NLN: variants seen among roughly 807,000 people sequenced by gnomAD.
The protein encoded by NLN is neurolysin, also known as neurolysin, mitochondrial.
In NLN, 64 loss-of-function variants were observed where a neutral mutation model predicts 79.9. That is an observed-to-expected ratio of 0.80 (90% confidence interval 0.65 to 0.99). NLN has a LOEUF of 0.99. NLN is among the 50% of genes least tolerant of loss of function. The pLI is 0.00. For synonymous variants in NLN, 267 were observed against 296.6 expected (o/e 0.90, Z 1.02); for missense variants, 835 against 858.7 (o/e 0.97, Z 0.34).
intron 12 of NLN, among the ~76,000 whole-genome samples, chr5:65,821,271 T>A (rs1170922727): frequency 1.3e-5 from 2 of 152,242 alleles, no homozygotes; most frequent in South Asian, 2.1e-4. Context: ...AATATCATAC[T>A]AGAACACTGT....
chr5:65,746,793 A>G (rs1758989401), intron 1 of NLN, among the ~76,000 whole-genome samples: 1 of 152,086 alleles, frequency 6.6e-6, no homozygotes. Flanking sequence ...TCACAAGGTC[A>G]GGAGATCGAG....
intron 6 of NLN, among the ~76,000 whole-genome samples, chr5:65,784,785 C>T (rs1031989369): frequency 6.6e-6 from 1 of 152,248 alleles, no homozygotes; most frequent in East Asian, 1.9e-4. Context: ...AGAGTTTTTT[C>T]ATCTTCCTTA....
chr5:65,765,383 T>G (rs1759430140), intron 3 of NLN, among the ~76,000 whole-genome samples: 1 of 152,132 alleles, frequency 6.6e-6, no homozygotes, highest in East Asian at 1.9e-4. Context: ...CCAGGTGTGG[T>G]GGCAGGCGCC....
At chr5:65,735,258 A>G (rs1307593628) in intron 1 of NLN, among the ~76,000 whole-genome samples, 1 of 152,208 alleles carries the variant, frequency 6.6e-6, no homozygotes, top group Non-Finnish European at 1.5e-5. Flanking sequence ...CTGTGAATCA[A>G]TTAAACCTGT....
intron 9 of NLN, among the ~76,000 whole-genome samples, chr5:65,800,515 A>T (rs1045059874): frequency 6.6e-6 from 1 of 152,032 alleles, no homozygotes; most frequent in Admixed American, 6.6e-5. Flanking sequence ...CTCTACTAAA[A>T]ATACAAAAAA....
At position 65,745,893 on chromosome 5, in the gene NLN, T is replaced by A. The variant is rs370438935; in HGVS notation, c.42-12674T>A. Among the ~76,000 whole-genome samples the A allele has an allele frequency of 5.9e-5, 9 of 152,178 alleles. No individual in the cohort carries two copies. In the East Asian group the frequency reaches 7.7e-4, roughly 13 times the overall value. On this transcript the variant is annotated intron_variant, in intron 1 of 12. Coordinates refer to ENST00000380985, the MANE Select transcript of NLN (RefSeq NM_020726.5). Reference sequence around the variant, plus strand: ...CGGGTTTCTGATTTGGACAACTGAGTACATACTGGTGATCGTCCTTGAGAT... The same window carrying A: ...CGGGTTTCTGATTTGGACAACTGAGAACATACTGGTGATCGTCCTTGAGAT...
At chr5:65,766,990 T>G (rs1273731492) in intron 3 of NLN, among the ~76,000 whole-genome samples, 1 of 152,216 alleles carries the variant, frequency 6.6e-6, no homozygotes, top group Non-Finnish European at 1.5e-5. Flanking sequence ...GCCTCTGTGG[T>G]TCTCAGGTTA....
intron 1 of NLN, among the ~76,000 whole-genome samples, chr5:65,738,623 A>G (rs1208246067): frequency 1.3e-5 from 2 of 152,080 alleles, no homozygotes; most frequent in East Asian, 3.8e-4. Context: ...ATTGTTAACT[A>G]TAATCATCAT....
In NLN at chr5:65,787,539, A is replaced by G. The variant is rs1334271528; in HGVS notation, c.959-579A>G. On this transcript the variant is annotated intron_variant, in intron 7 of 12. Transcript: ENST00000380985. ...CATACTCATTTATCCAAATACAGTA[A>G]AGTGAAAAATTGACCACAGCAATAT... 3.3e-5 allele frequency among the ~76,000 whole-genome samples: 5 copies of G among 152,336 alleles called. No homozygotes were observed. The East Asian group carries it at 9.7e-4, about 29-fold the overall frequency.
chr5:65,816,612 CAG>C (rs1760677927), intron 12 of NLN, among the ~76,000 whole-genome samples: 1 of 151,838 alleles, frequency 6.6e-6, no homozygotes, highest in African/African-American at 2.4e-5. Context: ...GCCACAACCA[CAG>C]AGTGTTATTA....
chr5:65,816,345 C>T (rs569812256), intron 12 of NLN, among the ~76,000 whole-genome samples: 25 of 152,148 alleles, frequency 1.6e-4, no homozygotes, highest in Admixed American at 1.4e-3. Flanking sequence ...CACATGGACA[C>T]GTAGAGGAGA....
intron 3 of NLN, 64 bp from the exon 4 acceptor site, chr5:65,777,363 C>A: frequency 1.9e-6 from 2 of 1,052,142 alleles, no homozygotes; most frequent in Non-Finnish European, 3.0e-6. Flanking sequence ...GCTGTGGCCT[C>A]ATAGTTTATA....
Position 65,782,417 on chromosome 5 carries a change from A to G in NLN, c.822+996A>G, listed in dbSNP as rs58009452. Among the ~76,000 whole-genome samples, 667 of 152,356 alleles carry G rather than the reference A, an allele frequency of 4.4e-3. 6 individuals carry two copies. Among genetic ancestry groups the G allele is most frequent in the African/African-American group, 0.015 (637 of 41,588 alleles). ...GTTTGTTGTCTGTTTGCTGCTAATC[A>G]GATGCATGTCAAAATAACTATACCC... On this transcript the variant is annotated intron_variant, in intron 6 of 12. Transcript: ENST00000380985.
At chr5:65,728,634 A>G (rs562290220) in intron 1 of NLN, among the ~76,000 whole-genome samples, 16 of 152,246 alleles carry the variant, frequency 1.1e-4, no homozygotes, top group Non-Finnish European at 2.2e-4. Flanking sequence ...AATTTTTTTT[A>G]TCCTTACCAG....
intron 1 of NLN, among the ~76,000 whole-genome samples, chr5:65,730,545 T>C (rs1758582213): frequency 7.0e-6 from 1 of 142,052 alleles, no homozygotes; most frequent in Non-Finnish European, 1.5e-5. Context: ...ATTTTCTTCT[T>C]TTTTTTTTTT....
At chr5:65,762,571 A>G (rs905725444) in intron 2 of NLN, among the ~76,000 whole-genome samples, 1 of 152,096 alleles carries the variant, frequency 6.6e-6, no homozygotes, top group African/African-American at 2.4e-5. Flanking sequence ...CTGTGGTCCC[A>G]GATACTCAGT....
chr5:65,792,418 T>A, intron 8 of NLN, 36 bp from the exon 9 acceptor site: 1 of 1,458,316 alleles, frequency 6.9e-7, no homozygotes, highest in South Asian at 1.2e-5. Context: ...AGAGGAGAAT[T>A]TTCCTATGTT....
At chr5:65,738,255 A>G (rs1758775718) in intron 1 of NLN, among the ~76,000 whole-genome samples, 2 of 152,110 alleles carry the variant, frequency 1.3e-5, no homozygotes, top group African/African-American at 4.8e-5. Context: ...ATTGATATGG[A>G]AGATCAGGGA....
chr5:65,823,787 A>G lies in NLN; in HGVS notation c.*872A>G, dbSNP rs1760854819. On this transcript the variant is annotated 3_prime_UTR_variant, in exon 13 of 13. Transcript: ENST00000380985. ...TGCCTCTTTTACTTACCACGTCCCC[A>G]AAAGTGTCAGGTAGACATGTCACAA... 6.6e-6 allele frequency: 1 copy of G among 152,200 alleles called. No individual in the cohort carries two copies. Among genetic ancestry groups the G allele is most frequent in the Non-Finnish European group, 1.5e-5 (1 of 68,046 alleles). The allele number at this position is 152,200 out of a possible 1,614,324, so 9.4% of individuals were successfully genotyped here.
Sources: gnomAD v4.1 joint callset for allele counts (sites outside exome capture counted in the v4.1 genomes callset) on GRCh38, gnomAD v4.1.1 for gene constraint, MANE v1.5 for transcripts, NCBI Gene and HGNC (gene_info 2026-07-23, HGNC 2026-07-21) for gene names.